FAM227B: variants seen among roughly 807,000 people sequenced by gnomAD.
FAM227B encodes family with sequence similarity 227 member B.
Under a neutral mutation model 73.8 loss-of-function variants are expected in FAM227B, and 88 were observed. The ratio of observed to expected loss-of-function variants is 1.19; its 90% confidence interval spans 1.00 to 1.42. The LOEUF is 1.42. Ranked by LOEUF, FAM227B falls within the 40% of genes most tolerant of loss-of-function variation. The pLI, the probability that FAM227B is intolerant of heterozygous loss-of-function variation, is 0.00. For missense variants in FAM227B, 632 were observed against 590.9 expected, an observed-to-expected ratio of 1.07 and a Z score of -0.72; for synonymous variants, 210 against 190.5, an observed-to-expected ratio of 1.10 and a Z score of -0.84.
At chr15:49,432,564 C>T (rs61259878) in intron 11 of FAM227B, among the ~76,000 whole-genome samples, 1 of 151,420 alleles carries the variant, frequency 6.6e-6, no homozygotes, top group Non-Finnish European at 1.5e-5. Flanking sequence ...TAAATTTCAA[C>T]TTGAGAGCTA....
intron 13 of FAM227B, among the ~76,000 whole-genome samples, chr15:49,364,313 G>T (rs2044744132): frequency 6.6e-6 from 1 of 152,054 alleles, no homozygotes; most frequent in African/African-American, 2.4e-5. Flanking sequence ...TCTGTTCAGG[G>T]ATTCAGTTTA....
intron 13 of FAM227B, among the ~76,000 whole-genome samples, chr15:49,346,639 C>CT (rs1225629808): frequency 1.3e-5 from 2 of 152,132 alleles, no homozygotes; most frequent in Non-Finnish European, 2.9e-5. Context: ...GCTTTGCTGT[C>CT]TATCTTGTAT....
chr15:49,437,722 T>C (rs537620072), intron 11 of FAM227B, among the ~76,000 whole-genome samples: 43 of 151,846 alleles, frequency 2.8e-4, no homozygotes, highest in Non-Finnish European at 5.5e-4. Flanking sequence ...ACTGAGCATA[T>C]ATTACGTATT....
At chr15:49,331,926 T>C (rs1368821207) in intron 14 of FAM227B, 77 bp from the exon 15 acceptor site, 11 of 832,814 alleles carry the variant, frequency 1.3e-5, no homozygotes, top group Non-Finnish European at 2.3e-5. Context: ...CCAACATTTA[T>C]TAAGAATTTA....
In FAM227B at chr15:49,327,850, T is replaced by C. The variant is rs1057119428; in HGVS notation, c.*718A>G. 4.8e-5 allele frequency: 54 copies of C among 1,122,250 alleles called. 1 individual carries two copies. The South Asian group carries it at 8.9e-4, about 18-fold the overall frequency. The allele number at this position is 1,122,250 out of a possible 1,614,324, so 69.5% of individuals were successfully genotyped here. A position where few individuals can be genotyped will look rare whatever the true frequency, so the allele number is the denominator to read the frequency against. ...TGACACCTAAAAACCCCGCATGTAT[T>C]TTCTTCTTAGAACTTAGATAGGCTA... On this transcript the variant is annotated 3_prime_UTR_variant, in exon 16 of 16. Coordinates refer to ENST00000299338, the MANE Select transcript of FAM227B (RefSeq NM_152647.3).
intron 11 of FAM227B, among the ~76,000 whole-genome samples, chr15:49,465,148 G>T (rs2054147989): frequency 6.6e-6 from 1 of 151,832 alleles, no homozygotes; most frequent in African/African-American, 2.4e-5. Flanking sequence ...TTTATTTTTT[G>T]AGATGGAGTC....
chr15:49,407,396 G>T (rs1196280534), intron 11 of FAM227B, among the ~76,000 whole-genome samples: 2 of 151,980 alleles, frequency 1.3e-5, no homozygotes, highest in Non-Finnish European at 2.9e-5. Context: ...TCCCACTTCA[G>T]CCCAGCTTCT....
At position 49,371,312 on chromosome 15, in the gene FAM227B, A is replaced by T. The variant is rs2045788855; in HGVS notation, c.1100T>A (p.Leu367Gln). ...ISKEESRLSRLATKSHYSSTG... is the reference protein window; with the variant it reads ...ISKEESRLSRQATKSHYSSTG... ...TATTATACTCCAAACCTTTGTTGCTAGTCTTGATAATCTTGATTCTTCCTT... is the reference window on the plus strand; with the variant it reads ...TATTATACTCCAAACCTTTGTTGCTTGTCTTGATAATCTTGATTCTTCCTT... Residue 367 changes from leucine (L) to glutamine (Q), a missense_variant, in exon 12 of 16, where the codon CTA becomes CAA. Physicochemically the swap from Leu to Gln is moderately radical, Grantham distance 113 (BLOSUM62 -2). Transcript: ENST00000299338. 1.3e-6 allele frequency: 2 copies of T among 1,579,260 alleles called. No homozygotes were observed. The highest frequency in any genetic ancestry group is 1.4e-5 in the African/African-American group (1 of 73,826).
intron 9 of FAM227B, among the ~76,000 whole-genome samples, chr15:49,548,359 A>T (rs1113391): frequency 6.6e-6 from 1 of 151,954 alleles, no homozygotes; most frequent in African/African-American, 2.4e-5. Context: ...CTTCCACTTC[A>T]GGAATAAATG....
rs76589026 is a variant in FAM227B at position 49,489,927 on chromosome 15, C to G, written c.1012+18284G>C. Reference sequence around the variant, plus strand: ...AGAGAGAGAGAGACAGAGAGAGAGACAGAGAGAGAGAGAGAGAGACACCTA... The same window carrying G: ...AGAGAGAGAGAGACAGAGAGAGAGAGAGAGAGAGAGAGAGAGAGACACCTA... On this transcript the variant is annotated intron_variant, in intron 11 of 15. Transcript: ENST00000299338. 2.0e-3 allele frequency among the ~76,000 whole-genome samples: 148 copies of G among 72,422 alleles called. 3 individuals carry two copies. Among genetic ancestry groups the G allele is most frequent in the Middle Eastern group, 5.7e-3 (1 of 176 alleles). 47.5% of individuals were successfully genotyped at this position (72,422 alleles called of 152,430 possible). A position where few individuals can be genotyped will look rare whatever the true frequency, so the allele number is the denominator to read the frequency against.
chr15:49,337,508 C>CTTTTTTTTTTTTTT (rs33973907), intron 13 of FAM227B, among the ~76,000 whole-genome samples: 3 of 36,086 alleles, frequency 8.3e-5, no homozygotes, highest in Non-Finnish European at 1.5e-4. Flanking sequence ...CATTTACCCA[C>CTTTTTTTTTTTTTT]TTTTTTTTTT....
chr15:49,554,316 A>G (rs1005110684), intron 9 of FAM227B, among the ~76,000 whole-genome samples: 2 of 152,000 alleles, frequency 1.3e-5, no homozygotes, highest in Non-Finnish European at 2.9e-5. Context: ...ATGTGTCACT[A>G]TGTTGCGTGC....
At chr15:49,468,223 A>C (rs1458820605) in intron 11 of FAM227B, among the ~76,000 whole-genome samples, 3 of 152,166 alleles carry the variant, frequency 2.0e-5, no homozygotes, top group Admixed American at 1.3e-4. Flanking sequence ...ATTAATAAGA[A>C]GTATGTTTGA....
At chr15:49,505,692 T>C (rs1444060780) in intron 11 of FAM227B, among the ~76,000 whole-genome samples, 1 of 151,748 alleles carries the variant, frequency 6.6e-6, no homozygotes, top group African/African-American at 2.4e-5. Flanking sequence ...TAAAATAGAA[T>C]GACAAAAATA....
rs991321579 is a variant in FAM227B at position 49,618,020 on chromosome 15, C to T, written c.-73+2680G>A. ...AGAGTCTTCTCCCCTCTCTTGACAT[C>T]TTGTCTTCCTCTCATAAGAACTCTT... On this transcript the variant is annotated intron_variant, in intron 1 of 15. Transcript: ENST00000299338. Among the ~76,000 whole-genome samples the T allele has an allele frequency of 4.6e-5, 7 of 152,320 alleles. No homozygotes were observed. The South Asian group carries it at 8.3e-4, about 18-fold the overall frequency.
intron 13 of FAM227B, among the ~76,000 whole-genome samples, chr15:49,361,289 T>C (rs1455246725): frequency 1.3e-5 from 2 of 152,168 alleles, no homozygotes; most frequent in Admixed American, 6.5e-5. Context: ...TGTGGAGGTT[T>C]GTTACATAGG....
rs991368413 is a variant in FAM227B, at chr15:49,567,181, T to A, written c.747+1064A>T. On this transcript the variant is annotated intron_variant, in intron 9 of 15. Coordinates refer to ENST00000299338, the MANE Select transcript of FAM227B (RefSeq NM_152647.3). ...GTAGCAGAAACAGCTGTTTTTGTGATCTTTAGACAATTTAATTGCAACATG... is the reference window on the plus strand; with the variant it reads ...GTAGCAGAAACAGCTGTTTTTGTGAACTTTAGACAATTTAATTGCAACATG... 2.6e-5 allele frequency among the ~76,000 whole-genome samples: 4 copies of A among 152,148 alleles called. No homozygotes were observed. The East Asian group carries it at 7.7e-4, about 29-fold the overall frequency.
At chr15:49,430,497 T>A (rs1221915942) in intron 11 of FAM227B, among the ~76,000 whole-genome samples, 1 of 151,896 alleles carries the variant, frequency 6.6e-6, no homozygotes, top group Non-Finnish European at 1.5e-5. Context: ...TCTAGAGGGT[T>A]GGCTTAGTCT....
chr15:49,577,518 C>T (rs1026736372), intron 6 of FAM227B, 111 bp downstream of exon 6: 1 of 613,254 alleles, frequency 1.6e-6, no homozygotes, highest in Non-Finnish European at 2.8e-6. Context: ...CAACTCTCTC[C>T]TCTGGTACCT....
Sources: allele counts gnomAD v4.1 joint callset (sites outside exome capture counted in the v4.1 genomes callset), GRCh38; gene constraint gnomAD v4.1.1; transcripts MANE v1.5; gene names NCBI Gene and HGNC (gene_info 2026-07-23, HGNC 2026-07-21).